The following POLA1 variants were observed in gnomAD, a reference collection of about 807,000 sequenced individuals.
POLA1 encodes the protein DNA polymerase alpha 1, catalytic subunit.
A neutral mutation model predicts 124.0 loss-of-function variants in POLA1; 15 were observed. That is an observed-to-expected ratio of 0.12 (90% CI 0.08 to 0.19). POLA1 has a LOEUF of 0.19. Among genes scored for constraint, POLA1 ranks in the 10% least tolerant of loss-of-function variants. The pLI is 1.00. For missense variants in POLA1, 886 were observed against 1,103.4 expected, an observed-to-expected ratio of 0.80 and a Z score of 2.79; for synonymous variants, 408 against 389.4, an observed-to-expected ratio of 1.05 and a Z score of -0.56.
intron 18 of POLA1, among the ~76,000 whole-genome samples, chrX:24,737,019 A>G (rs1466000424): frequency 1.8e-5 from 2 of 112,085 alleles, no homozygotes; most frequent in African/African-American, 6.5e-5. Context: ...ATCTAGTTGC[A>G]TTTTTGAGAT....
chrX:24,851,387 A>C (rs2046559413), intron 34 of POLA1, among the ~76,000 whole-genome samples: 1 of 112,552 alleles, frequency 8.9e-6, no homozygotes, highest in African/African-American at 3.2e-5. Flanking sequence ...TCCTGCCCAT[A>C]ATAACTTGGA....
Position 24,930,454 on chromosome X carries a change from A to G in POLA1, c.4166A>G (p.Tyr1389Cys). Residue 1389 changes from tyrosine (Y) to cysteine (C), a missense_variant and splice_region_variant, in exon 36 of 37, where the codon TAT becomes TGT. By Grantham distance (194) the Tyr-to-Cys change is radical. Coordinates refer to ENST00000379068, the MANE Select transcript of POLA1 (RefSeq NM_001330360.2). ...CATTTATTTTCTGTTATATTACAGT[A>G]TTCTGACAAGTCCCTGTACACCCAG... Reference protein sequence around the residue: ...ACMKATLQPEYSDKSLYTQLC... With the variant: ...ACMKATLQPECSDKSLYTQLC... 1 of 1,156,585 alleles carries G rather than the reference A, an allele frequency of 8.6e-7. No individual in the cohort carries two copies. Among genetic ancestry groups the G allele is most frequent in the Non-Finnish European group, 1.2e-6 (1 of 845,114 alleles).
intron 26 of POLA1, among the ~76,000 whole-genome samples, chrX:24,762,295 G>A: frequency 8.9e-6 from 1 of 112,058 alleles, no homozygotes; most frequent in Admixed American, 9.5e-5. Context: ...AGCATTCAAG[G>A]ACCTTGTCTT....
chrX:24,730,526 G>A (rs1313398138), intron 15 of POLA1, among the ~76,000 whole-genome samples: 2 of 112,288 alleles, frequency 1.8e-5, no homozygotes, highest in Non-Finnish European at 3.8e-5. Context: ...GATTACAGGC[G>A]TGAGCTACCA....
At chrX:24,914,307 C>A (rs2047497424) in intron 35 of POLA1, among the ~76,000 whole-genome samples, 1 of 110,841 alleles carries the variant, frequency 9.0e-6, no homozygotes, top group African/African-American at 3.3e-5. Flanking sequence ...TTAAGAACTT[C>A]TGTGAATGTC....
Position 24,815,030 on chromosome X carries a change from A to C in POLA1, c.3348A>C (p.Glu1116Asp). Reference sequence around the variant, plus strand: ...ATCAAAGCCGGGACACTATAGTGGAAAACATTCAGAAGAGGCTGATAGAAA... The same window carrying C: ...ATCAAAGCCGGGACACTATAGTGGACAACATTCAGAAGAGGCTGATAGAAA... ...LSDQSRDTIV[E>D]NIQKRLIEIG... is the part of the protein sequence containing the mutation. The change falls in exon 30 of 37, where the codon GAA becomes GAC. Residue 1116 changes from glutamate to aspartate, a missense_variant. Physicochemically the swap from Glu to Asp is conservative, Grantham distance 45. Coordinates refer to ENST00000379068, the MANE Select transcript of POLA1 (RefSeq NM_001330360.2). The C allele has an allele frequency of 1.7e-6, 2 of 1,200,824 alleles. No individual in the cohort carries two copies. Among genetic ancestry groups the C allele is most frequent in the Non-Finnish European group, 1.1e-6 (1 of 887,930 alleles).
At chrX:24,786,116 G>T (rs1355272232) in intron 26 of POLA1, among the ~76,000 whole-genome samples, 2 of 112,301 alleles carry the variant, frequency 1.8e-5, no homozygotes, top group Non-Finnish European at 3.8e-5. Flanking sequence ...TTATCCCTCA[G>T]CGGACACTTA....
intron 30 of POLA1, among the ~76,000 whole-genome samples, chrX:24,818,198 A>AT (rs369592800): frequency 0.011 from 1,153 of 103,728 alleles, 9 homozygotes; most frequent in Non-Finnish European, 0.015. Flanking sequence ...ACCAGGAAGC[A>AT]TTTTTTTTTT....
intron 35 of POLA1, among the ~76,000 whole-genome samples, chrX:24,902,776 G>A (rs929108734): frequency 8.9e-6 from 1 of 111,751 alleles, no homozygotes; most frequent in African/African-American, 3.3e-5. Flanking sequence ...AAACAGAAAG[G>A]TTAGGGCAAC....
chrX:24,808,509 A>G (rs867775618), intron 26 of POLA1, among the ~76,000 whole-genome samples: 291 of 47,223 alleles, frequency 6.2e-3, no homozygotes, highest in African/African-American at 0.029. Context: ...GGGGCCAGAT[A>G]TTGTTTGTTT....
intron 34 of POLA1, among the ~76,000 whole-genome samples, chrX:24,859,181 A>C (rs1380234937): frequency 9.0e-6 from 1 of 111,285 alleles, no homozygotes; most frequent in African/African-American, 3.3e-5. Context: ...TCCATTCTCT[A>C]TATCATTTCC....
chrX:24,894,258 C>T (rs1054024535), intron 35 of POLA1, among the ~76,000 whole-genome samples: 1 of 112,151 alleles, frequency 8.9e-6, no homozygotes, highest in Non-Finnish European at 1.9e-5. Context: ...TAAGTCTGTT[C>T]AGAGTTGTGT....
At chrX:24,991,203 C>A (rs1324413354) in intron 36 of POLA1, among the ~76,000 whole-genome samples, 3 of 109,457 alleles carry the variant, frequency 2.7e-5, no homozygotes, top group Non-Finnish European at 3.8e-5. Flanking sequence ...ACCTCCCCCC[C>A]CACACCCACC....
intron 36 of POLA1, among the ~76,000 whole-genome samples, chrX:24,945,850 A>T (rs148769798): frequency 1.1e-3 from 124 of 111,299 alleles, no homozygotes; most frequent in African/African-American, 3.9e-3. Context: ...AGTCAAACAC[A>T]AGAATTATTT....
chrX:24,832,947 T>A (rs2046286892), intron 32 of POLA1, among the ~76,000 whole-genome samples: 1 of 111,661 alleles, frequency 9.0e-6, no homozygotes, highest in South Asian at 3.7e-4. Context: ...GGGGGAACGG[T>A]TAGTGTTTGG....
chrX:24,739,047 C>G (rs749725057), intron 19 of POLA1, among the ~76,000 whole-genome samples: 1 of 111,095 alleles, frequency 9.0e-6, no homozygotes, highest in Non-Finnish European at 1.9e-5. Flanking sequence ...ATGGCAGTCC[C>G]CCCGTATTCC....
intron 10 of POLA1, among the ~76,000 whole-genome samples, chrX:24,718,774 C>G (rs375887122): frequency 8.9e-6 from 1 of 111,820 alleles, no homozygotes; most frequent in East Asian, 2.8e-4. Context: ...CCCTGGAGAT[C>G]AGTCAATCCA....
Position 24,936,733 on chromosome X carries a change from G to A in POLA1, c.4261+6184G>A, listed in dbSNP as rs184243068. Reference sequence around the variant, plus strand: ...TTTTTAGTAGAGATGGGGTTTCACCGCGTTAGTCAGGATGGTCTTGATCTC... The same window carrying A: ...TTTTTAGTAGAGATGGGGTTTCACCACGTTAGTCAGGATGGTCTTGATCTC... On this transcript the variant is annotated intron_variant, in intron 36 of 36. Transcript: ENST00000379068. Among the ~76,000 whole-genome samples the A allele has an allele frequency of 4.9e-3, 544 of 111,129 alleles. 2 individuals are homozygous for A. Among genetic ancestry groups the A allele is most frequent in the African/African-American group, 0.016 (485 of 30,595 alleles).
intron 31 of POLA1, among the ~76,000 whole-genome samples, chrX:24,823,468 C>G (rs1216748199): frequency 1.8e-5 from 2 of 108,691 alleles, no homozygotes; most frequent in Non-Finnish European, 3.8e-5. Flanking sequence ...GTGGCACCAT[C>G]TCAGCTCACT....
Sources: gnomAD v4.1 joint callset for allele counts (sites outside exome capture counted in the v4.1 genomes callset) on GRCh38, gnomAD v4.1.1 for gene constraint, MANE v1.5 for transcripts, NCBI Gene and HGNC (gene_info 2026-07-23, HGNC 2026-07-21) for gene names.